Variants in RIOK2 observed in about 807,000 individuals in gnomAD.
RIOK2 encodes the protein serine/threonine-protein kinase RIO2.
RIOK2 carries 46 observed loss-of-function variants against 62.4 expected under a neutral mutation model. That is an observed-to-expected ratio of 0.74 (90% confidence interval 0.58 to 0.94). The LOEUF is 0.94. RIOK2 is among the 40% of genes least tolerant of loss of function. The pLI, the probability that RIOK2 is intolerant of heterozygous loss-of-function variation, is 0.00. For synonymous variants in RIOK2, 197 were observed against 216.0 expected (o/e 0.91, Z 0.77); for missense variants, 574 against 658.0 (o/e 0.87, Z 1.40).
At chr5:97,170,991 T>TA (rs34970461) in intron 6 of RIOK2, among the ~76,000 whole-genome samples, 3 of 149,146 alleles carry the variant, frequency 2.0e-5, no homozygotes, top group African/African-American at 7.4e-5. Flanking sequence ...CCATCTCTAC[T>TA]AAAAAAAAAA....
intron 4 of RIOK2, among the ~76,000 whole-genome samples, chr5:97,176,682 CCTTT>C (rs1442042970): frequency 6.6e-6 from 1 of 152,156 alleles, no homozygotes; most frequent in Admixed American, 6.6e-5. Context: ...AATGTTTGTT[CCTTT>C]ATGTGAAACA....
At chr5:97,179,969 A>ATAT (rs1749295299) in intron 1 of RIOK2, among the ~76,000 whole-genome samples, 1 of 52,372 alleles carries the variant, frequency 1.9e-5, no homozygotes, top group Admixed American at 2.7e-4. Flanking sequence ...TATTTTATAT[A>ATAT]TATATATAAT....
chr5:97,178,938 A>T, intron 2 of RIOK2, 117 bp downstream of exon 2: 1 of 1,140,180 alleles, frequency 8.8e-7, no homozygotes, highest in Non-Finnish European at 1.3e-6. Flanking sequence ...GTGTTCTGTC[A>T]GTTCTTCGTC....
intron 7 of RIOK2, 101 bp from the exon 8 acceptor site, chr5:97,168,092 A>G (rs921353012): frequency 2.5e-6 from 3 of 1,194,492 alleles, no homozygotes; most frequent in Non-Finnish European, 3.4e-6. Flanking sequence ...AGTGAGTTTA[A>G]TAGCTTATAT....
intron 6 of RIOK2, among the ~76,000 whole-genome samples, chr5:97,170,866 T>C (rs912194865): frequency 1.3e-5 from 2 of 151,888 alleles, no homozygotes; most frequent in Admixed American, 6.6e-5. Context: ...AATAATAGCA[T>C]GTAAGGGCCG....
intron 2 of RIOK2, among the ~76,000 whole-genome samples, chr5:97,178,166 G>GT (rs139078186): frequency 0.05 from 7,569 of 152,246 alleles, 208 homozygotes; most frequent in East Asian, 0.1. Flanking sequence ...CATTTTTCTA[G>GT]TAATTATTTT....
chr5:97,181,967 C>A (rs946046234), intron 1 of RIOK2, among the ~76,000 whole-genome samples: 3 of 152,174 alleles, frequency 2.0e-5, no homozygotes, highest in Non-Finnish European at 4.4e-5. Flanking sequence ...AATACTTAAG[C>A]GCTATTTAAG....
chr5:97,164,159 G>A (rs1190387644), intron 9 of RIOK2, among the ~76,000 whole-genome samples: 4 of 151,814 alleles, frequency 2.6e-5, no homozygotes, highest in South Asian at 2.1e-4. Flanking sequence ...CCAAAGTGCT[G>A]GGATCACAGG....
At position 97,177,150 on chromosome 5, in the gene RIOK2, C is replaced by T. The variant is rs34916955; in HGVS notation, c.464G>A (p.Arg155His). Residue 155 changes from arginine to histidine, a missense_variant, in exon 4 of 10, where the codon CGT becomes CAT. Arg to His is a conservative substitution (Grantham distance 29). Coordinates refer to ENST00000283109, the MANE Select transcript of RIOK2 (RefSeq NM_018343.3). Reference sequence around the variant, plus strand: ...GGCAAATTCCTTCATGGCAGAGAGACGAGATAAATATAGCCATGACACATT... The same window carrying T: ...GGCAAATTCCTTCATGGCAGAGAGATGAGATAAATATAGCCATGACACATT... ...RHNVSWLYLSRLSAMKEFAYM... is the reference protein window; with the variant it reads ...RHNVSWLYLSHLSAMKEFAYM... 809 of 1,612,130 alleles carry T rather than the reference C, an allele frequency of 5.0e-4. 15 individuals are homozygous for T. The East Asian group carries it at 0.017, about 34-fold the overall frequency.
At chr5:97,165,530 T>C (rs1471651694) in intron 8 of RIOK2, among the ~76,000 whole-genome samples, 1 of 152,216 alleles carries the variant, frequency 6.6e-6, no homozygotes, top group Non-Finnish European at 1.5e-5. Context: ...AAACAGAAGA[T>C]ATAATGGAAA....
At chr5:97,176,970 A>G in intron 4 of RIOK2, 146 bp downstream of exon 4, 2 of 680,478 alleles carry the variant, frequency 2.9e-6, no homozygotes, top group South Asian at 3.7e-5. Flanking sequence ...TAATCAACAG[A>G]GTTATTTAAG....
Position 97,165,113 on chromosome 5 carries a change from T to C in RIOK2, c.1432A>G (p.Arg478Gly). Residue 478 changes from arginine to glycine, a missense_variant, in exon 9 of 10, where the codon AGA (arginine) becomes GGA (glycine). Physicochemically the swap from Arg to Gly is moderately radical, Grantham distance 125. Transcript: ENST00000283109. ...EENVGAMNQY[R>G]TRTLSITSSG... ...GAAGTGATACTCAGAGTTCTTGTTCTATACTGATTCATAGCTCCCACATTT... is the reference window on the plus strand; with the variant it reads ...GAAGTGATACTCAGAGTTCTTGTTCCATACTGATTCATAGCTCCCACATTT... 1 of 1,513,868 alleles carries C rather than the reference T, an allele frequency of 6.6e-7. No homozygotes were observed. The highest frequency in any genetic ancestry group is 8.9e-7 in the Non-Finnish European group (1 of 1,129,406). 93.8% of individuals were successfully genotyped at this position (1,513,868 alleles called of 1,614,324 possible).
In RIOK2 at chr5:97,162,467, G is replaced by C. The variant is rs529765131; in HGVS notation, c.*594C>G. 1 of 152,398 alleles carries C rather than the reference G, an allele frequency of 6.6e-6. No individual in the cohort carries two copies. Among genetic ancestry groups the C allele is most frequent in the Non-Finnish European group, 1.5e-5 (1 of 68,220 alleles). The allele number at this position is 152,398 out of a possible 1,614,324, so 9.4% of individuals were successfully genotyped here. On this transcript the variant is annotated 3_prime_UTR_variant, in exon 10 of 10. Coordinates refer to ENST00000283109, the MANE Select transcript of RIOK2 (RefSeq NM_018343.3). ...ACAAGCTGCCAACTGTAAAAATTGT[G>C]GTAGACTATCTCAAGTAAGTTTCCA...
Position 97,163,209 on chromosome 5 carries a change from T to C in RIOK2, c.1511A>G (p.Lys504Arg). ...STIPPELVKQ[K>R]VKRQLTKQQK... ...CTGTTTTGTCAACTGACGTTTCACC[T>C]TCTGTTTCACCAGTTCCTGGAAAGA... Residue 504 changes from lysine (K) to arginine (R), a missense_variant, in exon 10 of 10, where the codon AAG becomes AGG. Transcript: ENST00000283109. 1 of 1,613,356 alleles carries C rather than the reference T, an allele frequency of 6.2e-7. No homozygotes were observed.
At chr5:97,177,945 T>C (rs1452234429) in intron 2 of RIOK2, 97 bp from the exon 3 acceptor site, 1 of 741,076 alleles carries the variant, frequency 1.3e-6, no homozygotes, top group African/African-American at 1.8e-5. Context: ...CAATAAAGTC[T>C]TCATTGGAAA....
At chr5:97,180,027 A>AT (rs1328576768) in intron 1 of RIOK2, among the ~76,000 whole-genome samples, 7 of 63,450 alleles carry the variant, frequency 1.1e-4, no homozygotes, top group South Asian at 9.7e-4. Context: ...ATATATATAT[A>AT]ATATATATAT....
At chr5:97,172,311 T>G (rs1164788913) in intron 5 of RIOK2, among the ~76,000 whole-genome samples, 1 of 152,214 alleles carries the variant, frequency 6.6e-6, no homozygotes, top group African/African-American at 2.4e-5. Flanking sequence ...TCCAAAATGC[T>G]GTTCCTGTAG....
rs529765131 is a variant in RIOK2, at chr5:97,162,467, G to A, written c.*594C>T. 3 of 152,516 alleles carry A rather than the reference G, an allele frequency of 2.0e-5. No homozygotes were observed. In the South Asian group the frequency reaches 6.2e-4, roughly 32 times the overall value. 9.4% of individuals were successfully genotyped at this position (152,516 alleles called of 1,614,324 possible). The stretch of plus-strand genomic sequence containing the variant: ...ACAAGCTGCCAACTGTAAAAATTGT[G>A]GTAGACTATCTCAAGTAAGTTTCCA... On this transcript the variant is annotated 3_prime_UTR_variant, in exon 10 of 10. Coordinates refer to ENST00000283109, the MANE Select transcript of RIOK2 (RefSeq NM_018343.3).
intron 4 of RIOK2, among the ~76,000 whole-genome samples, chr5:97,173,638 G>A (rs896529818): frequency 3.9e-5 from 6 of 152,136 alleles, no homozygotes; most frequent in Admixed American, 6.5e-5. Flanking sequence ...GTAAGTCTCT[G>A]ACATTTGTTG....
Sources: gnomAD v4.1 joint callset for allele counts (sites outside exome capture counted in the v4.1 genomes callset) on GRCh38, gnomAD v4.1.1 for gene constraint, MANE v1.5 for transcripts, NCBI Gene and HGNC (gene_info 2026-07-23, HGNC 2026-07-21) for gene names.